The following GABRA2 variants were observed in gnomAD, a reference collection of about 807,000 sequenced individuals.
The protein encoded by GABRA2 is gamma-aminobutyric acid receptor subunit alpha-2.
GABRA2 carries 16 observed loss-of-function variants against 48.7 expected under a neutral mutation model. The observed-to-expected ratio is 0.33, with a 90% CI of 0.22 to 0.50. The LOEUF (loss-of-function observed/expected upper bound fraction) is 0.50. Ranked by LOEUF, GABRA2 falls within the 20% of genes least tolerant of loss-of-function variation. The probability of loss-of-function intolerance (pLI) is 0.98; values close to 1 mark genes in which losing one functional copy is unlikely to be tolerated. For missense variants in GABRA2, 275 were observed against 535.6 expected, an observed-to-expected ratio of 0.51 and a Z score of 4.80; for synonymous variants, 185 against 184.5, an observed-to-expected ratio of 1.00 and a Z score of -0.02.
chr4:46,333,090 T>C (rs1019681985), intron 3 of GABRA2, among the ~76,000 whole-genome samples: 6 of 152,160 alleles, frequency 3.9e-5, no homozygotes, highest in African/African-American at 1.2e-4. Flanking sequence ...TATCTCGTGA[T>C]AGTAGAGACT....
At position 46,251,043 on chromosome 4, in the gene GABRA2, G is replaced by A. The variant is rs778529333; in HGVS notation, c.1060-439C>T. Among the ~76,000 whole-genome samples, 23 of 151,542 alleles carry A rather than the reference G, an allele frequency of 1.5e-4. 1 individual carries two copies. Among genetic ancestry groups the A allele is most frequent in the East Asian group, 1.4e-3 (7 of 5,112 alleles). On this transcript the variant is annotated intron_variant, in intron 9 of 9. Transcript: ENST00000381620. ...GTAACAGGATTCCCTCCCACCTCAC[G>A]TCAAAGTCATATAGCAATGCTTTAC...
chr4:46,342,598 C>T (rs1479717210), intron 3 of GABRA2, among the ~76,000 whole-genome samples: 1 of 152,022 alleles, frequency 6.6e-6, no homozygotes, highest in Non-Finnish European at 1.5e-5. Flanking sequence ...ACATTTACTT[C>T]TGCCTACGAG....
chr4:46,286,239 A>G (rs527534828), intron 8 of GABRA2, among the ~76,000 whole-genome samples: 11 of 152,098 alleles, frequency 7.2e-5, no homozygotes, highest in Non-Finnish European at 1.5e-4. Context: ...TTCACTAAGC[A>G]TAGAATTTCT....
At chr4:46,362,791 T>C (rs1310734550) in intron 3 of GABRA2, among the ~76,000 whole-genome samples, 1 of 152,190 alleles carries the variant, frequency 6.6e-6, no homozygotes, top group Admixed American at 6.5e-5. Flanking sequence ...AGCAAAGCAA[T>C]GGTTTGCAAA....
intron 8 of GABRA2, 122 bp from the exon 9 acceptor site, chr4:46,262,250 A>G: frequency 5.0e-6 from 3 of 604,086 alleles, no homozygotes; most frequent in Non-Finnish European, 8.7e-6. Context: ...CTAAATAATA[A>G]TAAATAAATG....
rs1727622671 is a variant in GABRA2 at position 46,311,420 on chromosome 4, T to G, written c.476+1076A>C. Reference sequence around the variant, plus strand: ...ACTGGAATACGTGTTTCTGTCTATATATAATGCTGATGTCAGATGTCTGTT... The same window carrying G: ...ACTGGAATACGTGTTTCTGTCTATAGATAATGCTGATGTCAGATGTCTGTT... On this transcript the variant is annotated intron_variant, in intron 5 of 9. Transcript: ENST00000381620. Among the ~76,000 whole-genome samples, 4 of 152,332 alleles carry G rather than the reference T, an allele frequency of 2.6e-5. No homozygotes were observed. The South Asian group carries it at 8.3e-4, about 32-fold the overall frequency.
chr4:46,378,124 C>A (rs1266412286), intron 3 of GABRA2, among the ~76,000 whole-genome samples: 1 of 151,998 alleles, frequency 6.6e-6, no homozygotes, highest in Non-Finnish European at 1.5e-5. Flanking sequence ...AGTGAGGAGC[C>A]CCTCTGCCCG....
At chr4:46,299,889 C>A (rs183601695) in intron 8 of GABRA2, among the ~76,000 whole-genome samples, 89 of 151,734 alleles carry the variant, frequency 5.9e-4, no homozygotes, top group African/African-American at 2.0e-3. Flanking sequence ...GACGAGATAC[C>A]TAAAACTGTA....
At chr4:46,359,834 G>A (rs969153227) in intron 3 of GABRA2, among the ~76,000 whole-genome samples, 17 of 151,662 alleles carry the variant, frequency 1.1e-4, no homozygotes, top group African/African-American at 3.1e-4. Flanking sequence ...GGAGAATGGC[G>A]TGAACCTGGG....
chr4:46,353,952 G>A (rs1013330305), intron 3 of GABRA2, among the ~76,000 whole-genome samples: 5 of 152,050 alleles, frequency 3.3e-5, no homozygotes, highest in Non-Finnish European at 1.5e-5. Context: ...TCTGTTCACT[G>A]ATAAATTTCA....
At chr4:46,353,421 C>A (rs962863198) in intron 3 of GABRA2, among the ~76,000 whole-genome samples, 1 of 152,180 alleles carries the variant, frequency 6.6e-6, no homozygotes, top group Admixed American at 6.6e-5. Context: ...AAAATCAAAT[C>A]GTGCCATGGC....
chr4:46,361,238 C>A (rs1408117509), intron 3 of GABRA2, among the ~76,000 whole-genome samples: 1 of 152,176 alleles, frequency 6.6e-6, no homozygotes, highest in South Asian at 2.1e-4. Context: ...CATCACAGAC[C>A]TGGAAGTTTT....
intron 8 of GABRA2, among the ~76,000 whole-genome samples, chr4:46,274,252 C>T (rs991233754): frequency 2.6e-5 from 4 of 152,066 alleles, no homozygotes; most frequent in African/African-American, 9.7e-5. Flanking sequence ...GAAGATCATA[C>T]TGTTAGCAAG....
intron 8 of GABRA2, among the ~76,000 whole-genome samples, chr4:46,293,431 T>G (rs1577938154): frequency 6.6e-6 from 1 of 152,178 alleles, no homozygotes; most frequent in East Asian, 1.9e-4. Context: ...CAGGGACTAC[T>G]GGACACTGGC....
intron 8 of GABRA2, among the ~76,000 whole-genome samples, chr4:46,296,002 A>T (rs1724568720): frequency 6.6e-6 from 1 of 152,172 alleles, no homozygotes; most frequent in South Asian, 2.1e-4. Context: ...TTCATTGTTT[A>T]TACCATGTTC....
chr4:46,354,561 T>G (rs987019259), intron 3 of GABRA2, among the ~76,000 whole-genome samples: 1 of 152,186 alleles, frequency 6.6e-6, no homozygotes, highest in African/African-American at 2.4e-5. Flanking sequence ...ATTTTTCTCT[T>G]GGGGATGGCT....
At chr4:46,299,901 A>T (rs1725443580) in intron 8 of GABRA2, among the ~76,000 whole-genome samples, 2 of 151,930 alleles carry the variant, frequency 1.3e-5, no homozygotes, top group South Asian at 4.1e-4. Context: ...AAAACTGTAG[A>T]GTCTCGTTTC....
At chr4:46,285,686 C>A (rs1401215790) in intron 8 of GABRA2, among the ~76,000 whole-genome samples, 3 of 152,040 alleles carry the variant, frequency 2.0e-5, no homozygotes, top group Non-Finnish European at 1.5e-5. Context: ...CTGTTTATTT[C>A]CTCTCTGTTT....
chr4:46,347,616 A>G (rs899729184), intron 3 of GABRA2, among the ~76,000 whole-genome samples: 7 of 151,942 alleles, frequency 4.6e-5, no homozygotes, highest in Non-Finnish European at 1.0e-4. Flanking sequence ...AGACTTAAAT[A>G]TAAGACTCTA....
Sources: gnomAD v4.1 joint callset for allele counts (sites outside exome capture counted in the v4.1 genomes callset) on GRCh38, gnomAD v4.1.1 for gene constraint, MANE v1.5 for transcripts, NCBI Gene and HGNC (gene_info 2026-07-23, HGNC 2026-07-21) for gene names.